The following DEPTOR variants were observed in gnomAD, a reference collection of about 807,000 sequenced individuals.
DEPTOR encodes DEP domain-containing mTOR-interacting protein.
Under a neutral mutation model 41.6 loss-of-function variants are expected in DEPTOR, and 41 were observed. The observed-to-expected ratio is 0.98, with a 90% CI of 0.77 to 1.28. The LOEUF (loss-of-function observed/expected upper bound fraction) is 1.28. DEPTOR is among the 50% of genes most tolerant of loss of function. The pLI is 0.00. For missense variants in DEPTOR, 514 were observed against 527.9 expected, an observed-to-expected ratio of 0.97 and a Z score of 0.26; for synonymous variants, 195 against 192.3, an observed-to-expected ratio of 1.01 and a Z score of -0.12.
At chr8:119,992,886 A>T (rs999257932) in intron 4 of DEPTOR, among the ~76,000 whole-genome samples, 1 of 151,848 alleles carries the variant, frequency 6.6e-6, no homozygotes, top group Admixed American at 6.6e-5. Context: ...CGAACTCCTG[A>T]CCCCAGGTGA....
At chr8:119,990,283 G>A (rs762245261) in intron 4 of DEPTOR, among the ~76,000 whole-genome samples, 9 of 151,984 alleles carry the variant, frequency 5.9e-5, no homozygotes, top group Non-Finnish European at 1.3e-4. Context: ...TCAGCCTCCC[G>A]AGTAGCTGGG....
intron 1 of DEPTOR, among the ~76,000 whole-genome samples, chr8:119,878,445 G>A (rs963389425): frequency 1.1e-4 from 17 of 151,888 alleles, no homozygotes; most frequent in South Asian, 6.2e-4. Flanking sequence ...TCAGCCTCCC[G>A]AGTAGGTGGG....
At chr8:119,893,775 C>CAA (rs60136125) in intron 1 of DEPTOR, among the ~76,000 whole-genome samples, 523 of 149,064 alleles carry the variant, frequency 3.5e-3, no homozygotes, top group African/African-American at 7.2e-3. Context: ...GACTCCGTCT[C>CAA]AAAAAAAAAA....
chr8:120,046,153 T>G (rs1034706935), intron 8 of DEPTOR, among the ~76,000 whole-genome samples: 1 of 152,178 alleles, frequency 6.6e-6, no homozygotes, highest in African/African-American at 2.4e-5. Flanking sequence ...TCAATGTTTA[T>G]TGTTTTGTTT....
intron 1 of DEPTOR, among the ~76,000 whole-genome samples, chr8:119,890,828 A>C (rs1413960100): frequency 6.6e-6 from 1 of 152,144 alleles, no homozygotes; most frequent in East Asian, 1.9e-4. Flanking sequence ...TTTTGAATCC[A>C]GGCCTCTCAG....
chr8:119,946,626 C>A (rs1037521819), intron 3 of DEPTOR, among the ~76,000 whole-genome samples: 1 of 151,748 alleles, frequency 6.6e-6, no homozygotes, highest in Non-Finnish European at 1.5e-5. Context: ...CCCAGCTACT[C>A]GGGAGGTTGA....
intron 8 of DEPTOR, among the ~76,000 whole-genome samples, chr8:120,038,537 G>C (rs1022635748): frequency 3.4e-5 from 5 of 148,434 alleles, no homozygotes; most frequent in African/African-American, 1.2e-4. Context: ...AGGTTTCAGT[G>C]AGCCAAGATC....
chr8:119,946,607 G>A (rs1338648304), intron 3 of DEPTOR, among the ~76,000 whole-genome samples: 1 of 152,060 alleles, frequency 6.6e-6, no homozygotes, highest in African/African-American at 2.4e-5. Context: ...GGTGGCACAT[G>A]CCTGTAATCC....
chr8:119,985,609 G>A (rs1387661410), intron 4 of DEPTOR, among the ~76,000 whole-genome samples: 1 of 151,944 alleles, frequency 6.6e-6, no homozygotes, highest in African/African-American at 2.4e-5. Context: ...TGGTGTTTTA[G>A]TCACGAAGTC....
intron 8 of DEPTOR, among the ~76,000 whole-genome samples, chr8:120,040,636 G>A (rs1232733658): frequency 6.8e-6 from 1 of 147,024 alleles, no homozygotes. Context: ...TTGAGCAATT[G>A]CGCAGTGAAA....
In DEPTOR at chr8:119,890,462, C is replaced by T. The variant is rs540417204; in HGVS notation, c.122+16494C>T. 3.3e-5 allele frequency among the ~76,000 whole-genome samples: 5 copies of T among 152,120 alleles called. No homozygotes were observed. The South Asian group carries it at 1.0e-3, about 32-fold the overall frequency. ...GGATTACATGCGCCCGCCACCATGCCCAGCTAATTTTTGTATTTTTAGTAG... is the reference window on the plus strand; with the variant it reads ...GGATTACATGCGCCCGCCACCATGCTCAGCTAATTTTTGTATTTTTAGTAG... On this transcript the variant is annotated intron_variant, in intron 1 of 8. Coordinates refer to ENST00000286234, the MANE Select transcript of DEPTOR (RefSeq NM_022783.4).
At chr8:119,908,876 CAG>C (rs1377153146) in intron 1 of DEPTOR, among the ~76,000 whole-genome samples, 1 of 152,134 alleles carries the variant, frequency 6.6e-6, no homozygotes, top group Non-Finnish European at 1.5e-5. Flanking sequence ...AAAAATAAAT[CAG>C]AGAGTTATCA....
intron 8 of DEPTOR, among the ~76,000 whole-genome samples, chr8:120,048,799 G>A (rs890619951): frequency 3.9e-5 from 6 of 152,212 alleles, no homozygotes; most frequent in East Asian, 1.9e-4. Flanking sequence ...GAGAATAGGC[G>A]TTTTTACCTG....
intron 4 of DEPTOR, among the ~76,000 whole-genome samples, chr8:119,966,131 C>T (rs750207441): frequency 6.6e-6 from 1 of 152,050 alleles, no homozygotes. Flanking sequence ...GGGTATTTTA[C>T]ATTGTATCTG....
chr8:119,917,427 C>T (rs973978118), intron 1 of DEPTOR, among the ~76,000 whole-genome samples: 1 of 152,170 alleles, frequency 6.6e-6, no homozygotes, highest in Non-Finnish European at 1.5e-5. Flanking sequence ...AACCTTACCC[C>T]CAACCCTGTG....
intron 3 of DEPTOR, among the ~76,000 whole-genome samples, chr8:119,932,909 G>C (rs1828063676): frequency 6.6e-6 from 1 of 152,142 alleles, no homozygotes; most frequent in Non-Finnish European, 1.5e-5. Flanking sequence ...TTTGAGATGG[G>C]AATGTGCTGG....
chr8:119,991,448 TGGG>T (rs1206782886), intron 4 of DEPTOR, among the ~76,000 whole-genome samples: 1 of 152,110 alleles, frequency 6.6e-6, no homozygotes, highest in African/African-American at 2.4e-5. Context: ...CCCAAGCAGC[TGGG>T]ATTACAGGCG....
At chr8:120,020,328 G>A (rs2130133587) in intron 8 of DEPTOR, among the ~76,000 whole-genome samples, 1 of 152,236 alleles carries the variant, frequency 6.6e-6, no homozygotes, top group Non-Finnish European at 1.5e-5. Context: ...TGATCCACCT[G>A]CTTCAGTCTC....
At chr8:119,940,272 T>G (rs966489372) in intron 3 of DEPTOR, among the ~76,000 whole-genome samples, 3 of 152,070 alleles carry the variant, frequency 2.0e-5, no homozygotes, top group Non-Finnish European at 4.4e-5. Flanking sequence ...CCAGCAATCC[T>G]ACTTTTGGGT....
Sources: gnomAD v4.1 joint callset for allele counts (sites outside exome capture counted in the v4.1 genomes callset) on GRCh38, gnomAD v4.1.1 for gene constraint, MANE v1.5 for transcripts, NCBI Gene and HGNC (gene_info 2026-07-23, HGNC 2026-07-21) for gene names.